Variants in TUBGCP4 observed in about 807,000 individuals in gnomAD.
TUBGCP4 encodes tubulin gamma complex component 4.
A neutral mutation model predicts 91.6 loss-of-function variants in TUBGCP4; 54 were observed. That is an observed-to-expected ratio of 0.59 (90% confidence interval 0.47 to 0.74). TUBGCP4 has a LOEUF of 0.74. Among genes scored for constraint, TUBGCP4 ranks in the 30% least tolerant of loss-of-function variants. The probability of loss-of-function intolerance (pLI) is 0.00; values close to 1 mark genes in which losing one functional copy is unlikely to be tolerated. For synonymous variants in TUBGCP4, 297 were observed against 302.8 expected (o/e 0.98, Z 0.20); for missense variants, 593 against 800.9 (o/e 0.74, Z 3.13).
At chr15:43,387,926 A>G (rs919897249) in intron 9 of TUBGCP4, among the ~76,000 whole-genome samples, 4 of 151,888 alleles carry the variant, frequency 2.6e-5, no homozygotes, top group African/African-American at 4.8e-5. Flanking sequence ...GCGGCTCACT[A>G]CAAACTCCGC....
rs572396939 is a variant in TUBGCP4 at position 43,398,992 on chromosome 15, C to G, written c.1418+813C>G. The G allele has an allele frequency of 3.8e-5, 13 of 342,622 alleles. No individual in the cohort carries two copies. In the South Asian group the frequency reaches 4.1e-4, roughly 11 times the overall value. 21.2% of individuals were successfully genotyped at this position (342,622 alleles called of 1,614,324 possible). A position where few individuals can be genotyped will look rare whatever the true frequency, so the allele number is the denominator to read the frequency against. ...AATTAACAGTAGTCCCTTATAATCC[C>G]TTATAATATCCAGTCTACATTGAAA... On this transcript the variant is annotated intron_variant, in intron 13 of 17. Coordinates refer to ENST00000564079, the MANE Select transcript of TUBGCP4 (RefSeq NM_014444.5).
In TUBGCP4 at chr15:43,408,663, G is replaced by A. The variant is rs1438979126; in HGVS notation, c.*3449G>A. 6 of 515,146 alleles carry A rather than the reference G, an allele frequency of 1.2e-5. No individual in the cohort carries two copies. Among genetic ancestry groups the A allele is most frequent in the Non-Finnish European group, 2.1e-5 (6 of 285,552 alleles). The allele number at this position is 515,146 out of a possible 1,614,324, so 31.9% of individuals were successfully genotyped here. A position where few individuals can be genotyped will look rare whatever the true frequency, so the allele number is the denominator to read the frequency against. On this transcript the variant is annotated 3_prime_UTR_variant, in exon 18 of 18. Coordinates refer to ENST00000564079, the MANE Select transcript of TUBGCP4 (RefSeq NM_014444.5). Reference sequence around the variant, plus strand: ...TAAAACTTAGTTCTCTGACTTTACAGGTTGAGAATATTGAACCTATATACA... The same window carrying A: ...TAAAACTTAGTTCTCTGACTTTACAAGTTGAGAATATTGAACCTATATACA...
At chr15:43,403,545 G>A (rs1230231005) in intron 15 of TUBGCP4, 138 bp from the exon 16 acceptor site, 7 of 641,578 alleles carry the variant, frequency 1.1e-5, no homozygotes, top group African/African-American at 1.8e-5. Context: ...GGCCTTGCAC[G>A]TGGCAGTGTC....
At chr15:43,404,718 TTCTAG>T in intron 17 of TUBGCP4, 166 bp downstream of exon 17, 1 of 738,866 alleles carries the variant, frequency 1.4e-6, no homozygotes. Context: ...GGAGGTTATT[TTCTAG>T]TAGAAGTCAT....
Position 43,406,700 on chromosome 15 carries a change from T to C in TUBGCP4, c.*1486T>C. 2.7e-6 allele frequency: 1 copy of C among 373,618 alleles called. No homozygotes were observed. Among genetic ancestry groups the C allele is most frequent in the Admixed American group, 3.1e-5 (1 of 31,832 alleles). 23.1% of individuals were successfully genotyped at this position (373,618 alleles called of 1,614,324 possible). A position where few individuals can be genotyped will look rare whatever the true frequency, so the allele number is the denominator to read the frequency against. On this transcript the variant is annotated 3_prime_UTR_variant, in exon 18 of 18. Transcript: ENST00000564079. ...GAACTGCTTCCAGCTATTGTGACAA[T>C]AATAATAATAATAATATTGGGTCTT...
chr15:43,395,693 T>C lies in TUBGCP4; in HGVS notation c.1171+5T>C. ...CCACTGCAGTAACTGAGCATGGTAATTGTCAGTGGCCCTGAGAATGATCAA... is the reference window on the plus strand; with the variant it reads ...CCACTGCAGTAACTGAGCATGGTAACTGTCAGTGGCCCTGAGAATGATCAA... On this transcript the variant is annotated splice_donor_5th_base_variant and intron_variant, in intron 11 of 17. Coordinates refer to ENST00000564079, the MANE Select transcript of TUBGCP4 (RefSeq NM_014444.5). 6.2e-7 allele frequency: 1 copy of C among 1,610,090 alleles called. No homozygotes were observed. Among genetic ancestry groups the C allele is most frequent in the Non-Finnish European group, 8.5e-7 (1 of 1,176,344 alleles).
intron 15 of TUBGCP4, 124 bp from the exon 16 acceptor site, chr15:43,403,559 C>A: frequency 1.4e-6 from 1 of 720,340 alleles, no homozygotes; most frequent in Non-Finnish European, 2.4e-6. Context: ...CAGTGTCTAT[C>A]CTGTCAGATT....
chr15:43,401,502 A>G (rs578124819), intron 14 of TUBGCP4, among the ~76,000 whole-genome samples: 1 of 151,828 alleles, frequency 6.6e-6, no homozygotes, highest in Non-Finnish European at 1.5e-5. Context: ...GAGAGTGGTC[A>G]GCCAGGACGT....
At chr15:43,394,877 T>G in intron 9 of TUBGCP4, 1 of 535,136 alleles carries the variant, frequency 1.9e-6, no homozygotes. Context: ...CTGTGCAGCC[T>G]GCAGAACTGT....
intron 1 of TUBGCP4, among the ~76,000 whole-genome samples, chr15:43,373,904 G>A (rs1039441401): frequency 6.6e-6 from 1 of 151,908 alleles, no homozygotes. Flanking sequence ...CGCCCACCTC[G>A]GCCTCCCAAA....
At chr15:43,377,928 G>C (rs1005271908) in intron 5 of TUBGCP4, 25 bp downstream of exon 5, 1 of 1,557,092 alleles carries the variant, frequency 6.4e-7, no homozygotes, top group African/African-American at 1.4e-5. Flanking sequence ...TATTCCTTTT[G>C]CTTTGCTAAG....
chr15:43,393,572 A>T (rs544863313), intron 9 of TUBGCP4, among the ~76,000 whole-genome samples: 1 of 151,974 alleles, frequency 6.6e-6, no homozygotes, highest in East Asian at 1.9e-4. Flanking sequence ...CATTAGGTAT[A>T]TCTCCTAATG....
intron 12 of TUBGCP4, among the ~76,000 whole-genome samples, chr15:43,397,555 T>C (rs547377491): frequency 5.9e-5 from 9 of 152,086 alleles, no homozygotes; most frequent in Non-Finnish European, 1.3e-4. Flanking sequence ...TTTTTTGTCA[T>C]GCTGCTGGAA....
intron 15 of TUBGCP4, chr15:43,403,013 T>C (rs2044721581): frequency 6.6e-6 from 1 of 152,234 alleles, no homozygotes; most frequent in Non-Finnish European, 1.5e-5. Context: ...ATGCTGTCCT[T>C]ATGTGGCATA....
chr15:43,383,313 G>A lies in TUBGCP4; in HGVS notation c.532G>A (p.Val178Ile), dbSNP rs772404507. The A allele has an allele frequency of 1.1e-5, 18 of 1,612,276 alleles. No homozygotes were observed. The Admixed American group carries it at 1.8e-4, about 16-fold the overall frequency. ...TTCTACTCTGCCCAGAATCCTGGCC[G>A]TTTGTCATGGGGTCATGTATAAACA... ...VRSALEKILAVCHGVMYKQLS... is the reference protein window; with the variant it reads ...VRSALEKILAICHGVMYKQLS... The change falls in exon 7 of 18, where the codon GTT becomes ATT. Residue 178 changes from valine (V) to isoleucine (I), a missense_variant. Physicochemically the swap from Val to Ile is conservative, Grantham distance 29 (BLOSUM62 3). Coordinates refer to ENST00000564079, the MANE Select transcript of TUBGCP4 (RefSeq NM_014444.5).
At chr15:43,376,689 G>A in intron 3 of TUBGCP4, 64 bp downstream of exon 3, 2 of 1,602,686 alleles carry the variant, frequency 1.2e-6, no homozygotes, top group Non-Finnish European at 8.5e-7. Flanking sequence ...TCTTGAATCT[G>A]AAATGCCCTT....
chr15:43,371,126 T>C lies in TUBGCP4; in HGVS notation c.-229T>C. On this transcript the variant is annotated 5_prime_UTR_variant, in exon 1 of 18. Coordinates refer to ENST00000564079, the MANE Select transcript of TUBGCP4 (RefSeq NM_014444.5). Reference sequence around the variant, plus strand: ...AGTCTCCGCAGAGCCCGGGCGGGAGTAGCTGGTGGACCCCGTTGAGCTGCC... The same window carrying C: ...AGTCTCCGCAGAGCCCGGGCGGGAGCAGCTGGTGGACCCCGTTGAGCTGCC... 1 of 591,322 alleles carries C rather than the reference T, an allele frequency of 1.7e-6. No homozygotes were observed. The highest frequency in any genetic ancestry group is 3.0e-6 in the Non-Finnish European group (1 of 329,252). The allele number at this position is 591,322 out of a possible 1,614,324, so 36.6% of individuals were successfully genotyped here.
chr15:43,385,638 T>G (rs1350788639), intron 7 of TUBGCP4, 153 bp from the exon 8 acceptor site: 7 of 713,864 alleles, frequency 9.8e-6, no homozygotes, highest in African/African-American at 3.6e-5. Context: ...AATACATCTC[T>G]CCAAAATGGG....
chr15:43,386,344 C>CATATAT lies in TUBGCP4; in HGVS notation c.1014+14_1014+15insATATAT, dbSNP rs1566894338. On this transcript the variant is annotated intron_variant, in intron 9 of 17. Transcript: ENST00000564079. ...ACTGTGGCTGAGGTTTGTGTTTCATCGTATATATATATATATATATATATA... is the reference window on the plus strand; with the variant it reads ...ACTGTGGCTGAGGTTTGTGTTTCATCATATATGTATATATATATATATATATATATA... The CATATAT allele has an allele frequency of 6.6e-4, 162 of 245,620 alleles. 35 individuals are homozygous for CATATAT. The Middle Eastern group carries it at 0.01, about 16-fold the overall frequency. 15.2% of individuals were successfully genotyped at this position (245,620 alleles called of 1,614,324 possible). A position where few individuals can be genotyped will look rare whatever the true frequency, so the allele number is the denominator to read the frequency against.
Sources: gnomAD v4.1 joint callset for allele counts (sites outside exome capture counted in the v4.1 genomes callset) on GRCh38, gnomAD v4.1.1 for gene constraint, MANE v1.5 for transcripts, NCBI Gene and HGNC (gene_info 2026-07-23, HGNC 2026-07-21) for gene names.